Variants in NTAQ1 observed in about 807,000 individuals in gnomAD.
NTAQ1 encodes the protein N-terminal glutamine amidase 1, also known as protein N-terminal glutamine amidohydrolase.
In NTAQ1, 21 loss-of-function variants were observed where a neutral mutation model predicts 28.2. That is an observed-to-expected ratio of 0.74 (90% CI 0.53 to 1.07). The LOEUF is 1.07. NTAQ1 is among the 50% of genes least tolerant of loss of function. The pLI, the probability that NTAQ1 is intolerant of heterozygous loss-of-function variation, is 0.00. For synonymous variants in NTAQ1, 105 were observed against 90.0 expected (o/e 1.17, Z -0.94); for missense variants, 264 against 256.6 (o/e 1.03, Z -0.20).
At chr8:123,436,199 G>A (rs922625417) in intron 3 of NTAQ1, among the ~76,000 whole-genome samples, 19 of 147,504 alleles carry the variant, frequency 1.3e-4, no homozygotes, top group African/African-American at 4.7e-4. Context: ...AAGTTTCCTA[G>A]AGGTAAAATT....
At chr8:123,436,340 TAAG>T (rs1814708582) in intron 3 of NTAQ1, 110 bp from the exon 4 acceptor site, 2 of 945,134 alleles carry the variant, frequency 2.1e-6, no homozygotes. Flanking sequence ...TTTGCTATTA[TAAG>T]GAGGGCTGTA....
chr8:123,419,494 C>T (rs893670780), intron 1 of NTAQ1, among the ~76,000 whole-genome samples: 3 of 152,122 alleles, frequency 2.0e-5, no homozygotes, highest in African/African-American at 7.2e-5. Flanking sequence ...GCTTCAAGAC[C>T]CTGCTTAATG....
intron 6 of NTAQ1, among the ~76,000 whole-genome samples, chr8:123,458,488 G>A (rs915708402): frequency 6.6e-6 from 1 of 152,096 alleles, no homozygotes; most frequent in East Asian, 1.9e-4. Flanking sequence ...TGCTGGTCAG[G>A]GGTGTGTTTC....
intron 1 of NTAQ1, among the ~76,000 whole-genome samples, chr8:123,420,451 C>T (rs749385184): frequency 3.9e-5 from 6 of 152,186 alleles, no homozygotes; most frequent in Admixed American, 2.6e-4. Flanking sequence ...ATTGCTAGGT[C>T]GCATCATAGT....
chr8:123,472,218 G>T (rs562922894), downstream of NTAQ1, among the ~76,000 whole-genome samples: 25 of 152,260 alleles, frequency 1.6e-4, no homozygotes, highest in African/African-American at 5.8e-4. Context: ...TAAGAAATGT[G>T]TAATTAGCCC....
At chr8:123,428,085 T>C in intron 2 of NTAQ1, 62 bp downstream of exon 2, 1 of 1,094,572 alleles carries the variant, frequency 9.1e-7, no homozygotes, top group Non-Finnish European at 1.2e-6. Context: ...AGAAGCTAAA[T>C]TAAAAAAAAA....
chr8:123,439,683 T>G (rs1814931398), intron 5 of NTAQ1, among the ~76,000 whole-genome samples: 1 of 151,338 alleles, frequency 6.6e-6, no homozygotes. Context: ...AGACATGAGG[T>G]TTTGCCATGT....
At chr8:123,450,108 G>A (rs1815446334), downstream of NTAQ1, among the ~76,000 whole-genome samples, 1 of 150,462 alleles carries the variant, frequency 6.6e-6, no homozygotes, top group Non-Finnish European at 1.5e-5. Flanking sequence ...TGTGGATAGA[G>A]GAAAGGTCCA....
intron 3 of NTAQ1, among the ~76,000 whole-genome samples, chr8:123,432,131 A>T (rs1323287016): frequency 6.6e-6 from 1 of 152,186 alleles, no homozygotes; most frequent in African/African-American, 2.4e-5. Context: ...GAGCAGAGAC[A>T]CCAGTGAGTA....
At chr8:123,428,499 A>G (rs1814205393) in intron 2 of NTAQ1, among the ~76,000 whole-genome samples, 1 of 152,088 alleles carries the variant, frequency 6.6e-6, no homozygotes, top group Non-Finnish European at 1.5e-5. Context: ...TGCCCAGCTT[A>G]GTCCCTTACT....
At chr8:123,448,912 G>A (rs1815381186), downstream of NTAQ1, among the ~76,000 whole-genome samples, 1 of 152,206 alleles carries the variant, frequency 6.6e-6, no homozygotes, top group South Asian at 2.1e-4. Flanking sequence ...AGGTCCCTGA[G>A]AGAAAATCAA....
At chr8:123,456,019 T>C (rs1815640923) in intron 6 of NTAQ1, among the ~76,000 whole-genome samples, 1 of 152,148 alleles carries the variant, frequency 6.6e-6, no homozygotes, top group Non-Finnish European at 1.5e-5. Flanking sequence ...TGGGGGAATA[T>C]TGACTTTCTC....
intron 5 of NTAQ1, chr8:123,438,374 G>T: frequency 7.6e-6 from 4 of 529,452 alleles, no homozygotes; most frequent in Non-Finnish European, 1.4e-5. Context: ...TTCAACAAGG[G>T]TCTGAGCGTG....
At chr8:123,474,302 C>T (rs1165715153), downstream of NTAQ1, among the ~76,000 whole-genome samples, 1 of 152,128 alleles carries the variant, frequency 6.6e-6, no homozygotes, top group Non-Finnish European at 1.5e-5. Context: ...CTTAGTTTTT[C>T]CTTGTCTTTC....
At position 123,462,238 on chromosome 8, in the gene NTAQ1, G is replaced by A. The variant is rs572164670; in HGVS notation, c.373-4841G>A. The stretch of plus-strand genomic sequence containing the variant: ...TTTTTTTGTATTTTTAGTATAGAAA[G>A]GGTTTCATCATGCTCTCCAGGTTGG... On this transcript the variant is annotated intron_variant, in intron 6 of 6. Transcript: ENST00000650311. Among the ~76,000 whole-genome samples the A allele has an allele frequency of 4.5e-4, 69 of 152,190 alleles. 2 individuals are homozygous for A. Among genetic ancestry groups the A allele is most frequent in the Middle Eastern group, 6.8e-3 (2 of 294 alleles).
Position 123,419,102 on chromosome 8 carries a change from T to G in NTAQ1, c.83+2170T>G, listed in dbSNP as rs1466138781. ...GGGGGTTTTTTTTTTTTTTTTTTTT[T>G]TTTTTTTTTTTTTTGAGACAGAGTC... On this transcript the variant is annotated intron_variant, in intron 1 of 5. Coordinates refer to ENST00000287387, the MANE Select transcript of NTAQ1 (RefSeq NM_018024.3). Among the ~76,000 whole-genome samples the G allele has an allele frequency of 9.2e-3, 402 of 43,554 alleles. 3 individuals are homozygous for G. The highest frequency in any genetic ancestry group is 0.017 in the Non-Finnish European group (296 of 17,472). The allele number at this position is 43,554 out of a possible 152,430, so 28.6% of individuals were successfully genotyped here.
At chr8:123,440,907 G>T (rs1815026480) in intron 5 of NTAQ1, among the ~76,000 whole-genome samples, 1 of 152,144 alleles carries the variant, frequency 6.6e-6, no homozygotes, top group Admixed American at 6.5e-5. Flanking sequence ...ACTCTGGCTG[G>T]TGGTGACATG....
chr8:123,428,067 A>G, intron 2 of NTAQ1, 44 bp downstream of exon 2: 1 of 1,382,766 alleles, frequency 7.2e-7, no homozygotes, highest in Non-Finnish European at 9.9e-7. Flanking sequence ...GAGATTTAGG[A>G]TGACATTAGA....
At chr8:123,450,230 A>G (rs570951846), downstream of NTAQ1, among the ~76,000 whole-genome samples, 110 of 151,580 alleles carry the variant, frequency 7.3e-4, no homozygotes, top group Admixed American at 2.4e-3. Flanking sequence ...AAGTGGTATT[A>G]GAAGGGGAGA....
Sources: allele counts gnomAD v4.1 joint callset (sites outside exome capture counted in the v4.1 genomes callset), GRCh38; gene constraint gnomAD v4.1.1; transcripts MANE v1.5; gene names NCBI Gene and HGNC (gene_info 2026-07-23, HGNC 2026-07-21).